Variants in DHRSX observed in about 807,000 individuals in gnomAD.
The protein encoded by DHRSX is polyprenol dehydrogenase.
DHRSX carries 31 observed loss-of-function variants against 34.0 expected under a neutral mutation model. The observed-to-expected ratio is 0.91, with a 90% confidence interval of 0.69 to 1.23. The LOEUF (loss-of-function observed/expected upper bound fraction) is 1.23. DHRSX is among the 50% of genes most tolerant of loss of function. The probability of loss-of-function intolerance (pLI) is 0.00; values close to 1 mark genes in which losing one functional copy is unlikely to be tolerated. For synonymous variants in DHRSX, 201 were observed against 183.8 expected (o/e 1.09, Z -0.76); for missense variants, 414 against 428.1 (o/e 0.97, Z 0.29).
chrX:2,392,061 G>A (rs1342731058), intron 3 of DHRSX, among the ~76,000 whole-genome samples: 3 of 152,192 alleles, frequency 2.0e-5, no homozygotes, highest in Non-Finnish European at 4.4e-5. Context: ...TGAGGAAGGA[G>A]GAGGGAAAAC....
chrX:2,489,735 T>C, intron 1 of DHRSX: 2 of 1,613,182 alleles, frequency 1.2e-6, no homozygotes, highest in Non-Finnish European at 1.7e-6. Context: ...AGCATGTACA[T>C]GGCCACGGCA....
chrX:2,325,296 G>A (rs1482280605), intron 3 of DHRSX, among the ~76,000 whole-genome samples: 3 of 151,402 alleles, frequency 2.0e-5, no homozygotes, highest in Non-Finnish European at 4.4e-5. Flanking sequence ...CAGGAACTAG[G>A]GACTAGACAC....
chrX:2,452,444 T>C (rs7880018), intron 1 of DHRSX, among the ~76,000 whole-genome samples: 2 of 150,434 alleles, frequency 1.3e-5, no homozygotes, highest in East Asian at 2.0e-4. Context: ...TCCCTACGAA[T>C]GTGGATAAGG....
chrX:2,261,326 T>C (rs1050416239), intron 5 of DHRSX: 1 of 152,184 alleles, frequency 6.6e-6, no homozygotes, highest in African/African-American at 2.4e-5. Flanking sequence ...CTTGGTAATA[T>C]ATGCTTCCTC....
intron 3 of DHRSX, among the ~76,000 whole-genome samples, chrX:2,398,041 C>A (rs2043436539): frequency 6.6e-6 from 1 of 151,210 alleles, no homozygotes. Context: ...CATATGCCAA[C>A]AGGCTGATAT....
chrX:2,447,306 T>G (rs2044151509), intron 1 of DHRSX, among the ~76,000 whole-genome samples: 1 of 152,012 alleles, frequency 6.6e-6, no homozygotes, highest in South Asian at 2.1e-4. Flanking sequence ...CTGAAGACAT[T>G]CACTAAGAAT....
chrX:2,324,928 C>T (rs1355448431), intron 3 of DHRSX, among the ~76,000 whole-genome samples: 1 of 136,856 alleles, frequency 7.3e-6, no homozygotes, highest in South Asian at 2.3e-4. Context: ...ACCACCAAGC[C>T]CGGCTAATTT....
At chrX:2,356,330 G>A (rs1252386615) in intron 3 of DHRSX, among the ~76,000 whole-genome samples, 5 of 152,180 alleles carry the variant, frequency 3.3e-5, no homozygotes, top group African/African-American at 4.8e-5. Flanking sequence ...AGCCGTGATC[G>A]TGCCACTGCA....
At position 2,489,863 on chromosome X, in the gene DHRSX, A is replaced by T. The variant is rs2045078474; in HGVS notation, c.109+10954T>A. The T allele has an allele frequency of 5.0e-6, 8 of 1,613,764 alleles. No homozygotes were observed. In the East Asian group the frequency reaches 1.8e-4, roughly 36 times the overall value. On this transcript the variant is annotated intron_variant, in intron 1 of 6. Coordinates refer to ENST00000334651, the MANE Select transcript of DHRSX (RefSeq NM_145177.3). Reference sequence around the variant, plus strand: ...GGTGTGGCCCAGGCAGGGCATGTGCACTGCGACGTCCAGCAGGGAGCACGC... The same window carrying T: ...GGTGTGGCCCAGGCAGGGCATGTGCTCTGCGACGTCCAGCAGGGAGCACGC...
chrX:2,301,123 A>T (rs1487918866), intron 3 of DHRSX, among the ~76,000 whole-genome samples: 1 of 152,246 alleles, frequency 6.6e-6, no homozygotes. Context: ...AGTAAGAAAT[A>T]AAAAAGCAGG....
At chrX:2,408,955 G>T (rs377289625) in intron 2 of DHRSX, 142 bp from the exon 3 acceptor site, 3 of 737,920 alleles carry the variant, frequency 4.1e-6, no homozygotes, top group Non-Finnish European at 6.8e-6. Context: ...TTATCCTAGC[G>T]TCTAACTTGA....
intron 1 of DHRSX, among the ~76,000 whole-genome samples, chrX:2,484,221 C>G (rs1203811953): frequency 6.6e-6 from 1 of 152,198 alleles, no homozygotes; most frequent in African/African-American, 2.4e-5. Flanking sequence ...GATCCACCCG[C>G]CTCGGCCTCC....
intron 3 of DHRSX, among the ~76,000 whole-genome samples, chrX:2,381,145 C>T (rs762146814): frequency 6.6e-6 from 1 of 152,032 alleles, no homozygotes; most frequent in South Asian, 2.1e-4. Context: ...GGATTACAGG[C>T]GTGAGCCACC....
chrX:2,377,312 C>T (rs1246498469), intron 3 of DHRSX, among the ~76,000 whole-genome samples: 1 of 151,362 alleles, frequency 6.6e-6, no homozygotes, highest in African/African-American at 2.4e-5. Context: ...CAGTGGGAGC[C>T]CCAAACTTGT....
chrX:2,289,532 C>T (rs2041842997), intron 4 of DHRSX, among the ~76,000 whole-genome samples: 1 of 152,276 alleles, frequency 6.6e-6, no homozygotes, highest in Non-Finnish European at 1.5e-5. Context: ...TGTCTCTGTG[C>T]AAGGGCACCA....
chrX:2,328,804 T>C (rs2042421292), intron 3 of DHRSX, among the ~76,000 whole-genome samples: 1 of 152,186 alleles, frequency 6.6e-6, no homozygotes, highest in African/African-American at 2.4e-5. Flanking sequence ...TCCTGTTCCT[T>C]TCCTCAGGTG....
At chrX:2,395,523 G>A (rs1343347039) in intron 3 of DHRSX, among the ~76,000 whole-genome samples, 2 of 152,098 alleles carry the variant, frequency 1.3e-5, no homozygotes, top group East Asian at 3.9e-4. Context: ...TGGAACCCCG[G>A]CTGCTTGGAA....
chrX:2,300,131 TA>T (rs1255133747), intron 3 of DHRSX, among the ~76,000 whole-genome samples: 3 of 152,196 alleles, frequency 2.0e-5, no homozygotes, highest in Admixed American at 2.0e-4. Context: ...TGTACCTCCC[TA>T]AAAAATCCTT....
chrX:2,361,771 G>C (rs974788891), intron 3 of DHRSX, among the ~76,000 whole-genome samples: 2 of 152,186 alleles, frequency 1.3e-5, no homozygotes, highest in African/African-American at 2.4e-5. Flanking sequence ...AAGATGTCTG[G>C]ATAAGCACTT....
Sources: allele counts gnomAD v4.1 joint callset (sites outside exome capture counted in the v4.1 genomes callset), GRCh38; gene constraint gnomAD v4.1.1; transcripts MANE v1.5; gene names NCBI Gene and HGNC (gene_info 2026-07-23, HGNC 2026-07-21).